The following EVA1A variants were observed in gnomAD, a reference collection of about 807,000 sequenced individuals.
EVA1A encodes protein eva-1 homolog A.
In EVA1A, 7 loss-of-function variants were observed where a neutral mutation model predicts 9.8. The observed-to-expected ratio is 0.71, with a 90% CI of 0.41 to 1.34. The LOEUF (loss-of-function observed/expected upper bound fraction) is 1.34. Among genes scored for constraint, EVA1A ranks in the 40% most tolerant of loss-of-function variants. The pLI is 0.01. For synonymous variants in EVA1A, 90 were observed against 85.6 expected, an observed-to-expected ratio of 1.05 and a Z score of -0.28; for missense variants, 206 against 205.9, an observed-to-expected ratio of 1.00 and a Z score of 0.00.
chr2:75,499,938 T>C (rs2103782384), intron 3 of EVA1A, among the ~76,000 whole-genome samples: 1 of 152,332 alleles, frequency 6.6e-6, no homozygotes. Flanking sequence ...AATCTATTTC[T>C]AGACCTTACA....
intron 1 of EVA1A, among the ~76,000 whole-genome samples, chr2:75,536,454 A>G (rs1452567204): frequency 6.6e-6 from 1 of 152,214 alleles, no homozygotes; most frequent in African/African-American, 2.4e-5. Flanking sequence ...CCAATAGAAA[A>G]CAAGTCTACA....
intron 3 of EVA1A, among the ~76,000 whole-genome samples, chr2:75,497,888 A>T (rs1385748016): frequency 6.7e-6 from 1 of 148,910 alleles, no homozygotes; most frequent in African/African-American, 2.5e-5. Flanking sequence ...AATATAAATT[A>T]GTTCAGCCCC....
intron 3 of EVA1A, among the ~76,000 whole-genome samples, chr2:75,515,519 T>C (rs968682589): frequency 6.6e-6 from 1 of 152,150 alleles, no homozygotes; most frequent in African/African-American, 2.4e-5. Context: ...AACTGGAAAG[T>C]AAAACCAGTC....
At chr2:75,517,999 C>T (rs980654901) in intron 3 of EVA1A, 57 bp downstream of exon 3, 1 of 1,604,922 alleles carries the variant, frequency 6.2e-7, no homozygotes, top group Non-Finnish European at 8.5e-7. Flanking sequence ...ACCCAGGAGA[C>T]AACCTTGGAC....
intron 3 of EVA1A, among the ~76,000 whole-genome samples, chr2:75,516,139 A>C (rs1206796044): frequency 6.6e-6 from 1 of 152,174 alleles, no homozygotes; most frequent in East Asian, 1.9e-4. Context: ...AGATTAGGAC[A>C]TTTTCCACAA....
Position 75,518,526 on chromosome 2 carries a change from A to G in EVA1A, c.-68-318T>C, listed in dbSNP as rs550486822. 1.0e-5 allele frequency: 9 copies of G among 889,888 alleles called. 1 individual carries two copies. In the South Asian group the frequency reaches 3.4e-4, roughly 34 times the overall value. The allele number at this position is 889,888 out of a possible 1,614,324, so 55.1% of individuals were successfully genotyped here. ...TTTGGGGTCTTGTGCTCTTTGTTCA[A>G]GCGAGCTTCCTGGCTTTCAAGGAAG... On this transcript the variant is annotated intron_variant, in intron 2 of 3. Coordinates refer to ENST00000393913, the MANE Select transcript of EVA1A (RefSeq NM_001135032.2).
rs769089762 is a variant in EVA1A at position 75,518,149 on chromosome 2, C to A, written c.-9G>T. ...CTGAGGGGCAGCCTCATGGGACATCCAGAGGGGACCTCCTGGAGGTGCTTG... is the reference window on the plus strand; with the variant it reads ...CTGAGGGGCAGCCTCATGGGACATCAAGAGGGGACCTCCTGGAGGTGCTTG... On this transcript the variant is annotated 5_prime_UTR_variant, in exon 3 of 4. Transcript: ENST00000393913. 1.2e-6 allele frequency: 2 copies of A among 1,613,222 alleles called. No homozygotes were observed. Among genetic ancestry groups the A allele is most frequent in the South Asian group, 2.2e-5 (2 of 90,932 alleles).
At chr2:75,518,845 G>A (rs749573759) in intron 2 of EVA1A, 3 of 985,330 alleles carry the variant, frequency 3.0e-6, no homozygotes, top group South Asian at 4.7e-5. Flanking sequence ...CTAAATGTGT[G>A]CCTTTGGCAG....
intron 1 of EVA1A, among the ~76,000 whole-genome samples, chr2:75,529,719 T>A (rs969565443): frequency 1.3e-5 from 2 of 152,094 alleles, no homozygotes; most frequent in Non-Finnish European, 2.9e-5. Context: ...AAACAATCTA[T>A]CACAACCCCT....
In EVA1A at chr2:75,493,622, G is replaced by A. The variant is rs1164775967; in HGVS notation, c.86-13C>T. 1.3e-6 allele frequency: 2 copies of A among 1,568,376 alleles called. No homozygotes were observed. Among genetic ancestry groups the A allele is most frequent in the African/African-American group, 1.4e-5 (1 of 73,858 alleles). ...CGCTCAGGATTTTCTGGAGGAAGAA[G>A]AGGAAGAAGCAAGCATTTGAGAGAT... On this transcript the variant is annotated splice_polypyrimidine_tract_variant and intron_variant, in intron 3 of 3. Transcript: ENST00000393913.
intron 3 of EVA1A, among the ~76,000 whole-genome samples, chr2:75,516,649 TC>T (rs1675014920): frequency 6.6e-6 from 1 of 152,188 alleles, no homozygotes; most frequent in Non-Finnish European, 1.5e-5. Context: ...TGATCAGAGA[TC>T]CGAAGTGCAG....
intron 1 of EVA1A, among the ~76,000 whole-genome samples, chr2:75,531,287 T>C (rs957397775): frequency 2.0e-5 from 3 of 152,170 alleles, no homozygotes; most frequent in Non-Finnish European, 2.9e-5. Flanking sequence ...AAAGAGAACA[T>C]TTTTACACTG....
chr2:75,533,854 C>T (rs992870124), intron 1 of EVA1A, among the ~76,000 whole-genome samples: 3 of 151,282 alleles, frequency 2.0e-5, no homozygotes, highest in Admixed American at 2.0e-4. Context: ...CTCTGTTGCC[C>T]AGGCTGGAGT....
At chr2:75,563,697 G>C (rs10489976), upstream of EVA1A, among the ~76,000 whole-genome samples, 1 of 152,162 alleles carries the variant, frequency 6.6e-6, no homozygotes, top group African/African-American at 2.4e-5. Context: ...TTGCATTGTT[G>C]TTCCTGTCTA....
At position 75,548,594 on chromosome 2, in the gene EVA1A, C is replaced by T. The variant is rs189679101; in HGVS notation, c.-192+12086G>A. Reference sequence around the variant, plus strand: ...ATTATGTTTAAATGTCCCTTCCCTCCGAAGCTTTTCAGCCCTATTCAAGGG... The same window carrying T: ...ATTATGTTTAAATGTCCCTTCCCTCTGAAGCTTTTCAGCCCTATTCAAGGG... On this transcript the variant is annotated intron_variant, in intron 1 of 3. Coordinates refer to ENST00000393913, the MANE Select transcript of EVA1A (RefSeq NM_001135032.2). 8.5e-5 allele frequency among the ~76,000 whole-genome samples: 13 copies of T among 152,244 alleles called. 1 individual carries two copies. Among genetic ancestry groups the T allele is most frequent in the African/African-American group, 2.2e-4 (9 of 41,544 alleles).
chr2:75,530,792 CATT>C (rs1170252118), intron 1 of EVA1A, among the ~76,000 whole-genome samples: 2 of 152,152 alleles, frequency 1.3e-5, no homozygotes, highest in Non-Finnish European at 2.9e-5. Context: ...TCACAGCCAA[CATT>C]ATACTGAATG....
At chr2:75,504,081 T>C (rs1043007226) in intron 3 of EVA1A, among the ~76,000 whole-genome samples, 6 of 152,084 alleles carry the variant, frequency 3.9e-5, no homozygotes, top group African/African-American at 9.7e-5. Flanking sequence ...CAGGGAGTGC[T>C]CAGCAAAATC....
chr2:75,518,789 G>A (rs1675129852), intron 2 of EVA1A: 1 of 985,678 alleles, frequency 1.0e-6, no homozygotes, highest in Non-Finnish European at 1.2e-6. Context: ...AGCCTGCACT[G>A]ATGACACTTG....
At chr2:75,545,622 C>T (rs1676302234) in intron 1 of EVA1A, among the ~76,000 whole-genome samples, 1 of 152,088 alleles carries the variant, frequency 6.6e-6, no homozygotes, top group Non-Finnish European at 1.5e-5. Flanking sequence ...GGTGACCAGA[C>T]ATGTGATTCC....
Sources: allele counts gnomAD v4.1 joint callset (sites outside exome capture counted in the v4.1 genomes callset), GRCh38; gene constraint gnomAD v4.1.1; transcripts MANE v1.5; gene names NCBI Gene and HGNC (gene_info 2026-07-23, HGNC 2026-07-21).